The following ENO4 variants were observed in gnomAD, a reference collection of about 807,000 sequenced individuals.
ENO4 encodes the protein 2-phospho-D-glycerate hydro-lyase.
A neutral mutation model predicts 63.2 loss-of-function variants in ENO4; 53 were observed. The observed-to-expected ratio is 0.84, with a 90% CI of 0.67 to 1.05. The LOEUF is 1.05. Among genes scored for constraint, ENO4 ranks in the 50% least tolerant of loss-of-function variants. ENO4 has a pLI of 0.00. For missense variants in ENO4, 719 were observed against 772.0 expected (o/e 0.93, Z 0.81); for synonymous variants, 266 against 283.8 (o/e 0.94, Z 0.63).
intron 9 of ENO4, among the ~76,000 whole-genome samples, chr10:116,872,318 T>C (rs1589761017): frequency 6.6e-6 from 1 of 152,222 alleles, no homozygotes; most frequent in Admixed American, 6.5e-5. Flanking sequence ...CTTACACATG[T>C]ACTTCCTGAT....
intron 2 of ENO4, 54 bp from the exon 3 acceptor site, chr10:116,856,438 T>A: frequency 7.1e-7 from 1 of 1,407,986 alleles, no homozygotes; most frequent in South Asian, 1.3e-5. Context: ...TCATTTAATT[T>A]CCTCTTTCTG....
At position 116,856,584 on chromosome 10, in the gene ENO4, C is replaced by T; in HGVS notation, c.387C>T (p.Ser129=). ...AGGCGGAGGAGGCAGAGAGGGCCAGCGCGGTGAGCACCGCCGTGCAGTGGG... is the reference window on the plus strand; with the variant it reads ...AGGCGGAGGAGGCAGAGAGGGCCAGTGCGGTGAGCACCGCCGTGCAGTGGG... ...LAKAEEAERA[S]AVSTAVQWVN... is the part of the protein sequence containing the mutation. Residue 129 remains serine, a synonymous_variant, in exon 3 of 14, where the codon AGC becomes AGT. Coordinates refer to ENST00000341276, the MANE Select transcript of ENO4 (RefSeq NM_001242699.2). 3.3e-6 allele frequency: 5 copies of T among 1,536,144 alleles called. No individual in the cohort carries two copies. The highest frequency in any genetic ancestry group is 1.7e-4 in the Middle Eastern group (1 of 5,990).
chr10:116,900,712 A>G (rs1399959869), intron 10 of ENO4: 1 of 983,804 alleles, frequency 1.0e-6, no homozygotes, highest in Non-Finnish European at 1.2e-6. Context: ...TGGAGAATGA[A>G]TATAGATCAT....
downstream of ENO4, chr10:116,911,833 G>A (rs772447430): frequency 2.0e-5 from 32 of 1,610,748 alleles, no homozygotes; most frequent in African/African-American, 2.7e-5. Context: ...GCAGCCTTTC[G>A]AAGATTCTGG....
downstream of ENO4, chr10:116,883,375 T>TC (rs1200734373): frequency 2.0e-5 from 3 of 152,198 alleles, no homozygotes; most frequent in African/African-American, 4.8e-5. Context: ...GACTGTGGGA[T>TC]AGGGACATGT....
chr10:116,883,222 C>T (rs987381167), downstream of ENO4: 9 of 152,084 alleles, frequency 5.9e-5, no homozygotes, highest in African/African-American at 1.7e-4. Context: ...ATTTAAATTT[C>T]TTAGGGTGCT....
intron 13 of ENO4, among the ~76,000 whole-genome samples, chr10:116,880,764 T>C (rs1164746865): frequency 6.6e-6 from 1 of 152,226 alleles, no homozygotes; most frequent in Admixed American, 6.5e-5. Context: ...GGCTAGTTTT[T>C]TCAAATAGGT....
At chr10:116,849,884 G>C (rs565029626) in intron 1 of ENO4, 153 bp downstream of exon 1, 24 of 854,602 alleles carry the variant, frequency 2.8e-5, no homozygotes, top group Non-Finnish European at 4.4e-5. Context: ...CTTCTGGAGG[G>C]AAGGAGCGGG....
chr10:116,878,052 C>T (rs1846886119), intron 11 of ENO4, among the ~76,000 whole-genome samples: 1 of 152,222 alleles, frequency 6.6e-6, no homozygotes. Flanking sequence ...CTATCCCTAA[C>T]TGGTTCAGTT....
intron 10 of ENO4, among the ~76,000 whole-genome samples, chr10:116,896,078 A>ATTATTTTAT (rs1362638646): frequency 2.0e-5 from 3 of 152,166 alleles, no homozygotes; most frequent in African/African-American, 7.2e-5. Context: ...TTAGATGGAT[A>ATTATTTTAT]TTATTTTATT....
chr10:116,899,548 A>T (rs1905548), intron 10 of ENO4, among the ~76,000 whole-genome samples: 3,968 of 23,232 alleles, frequency 0.17, 95 homozygotes, highest in Middle Eastern at 0.41. Flanking sequence ...TGTGTGTGTG[A>T]GAGAGTGCAT....
At chr10:116,879,690 T>A (rs1386352884) in intron 12 of ENO4, among the ~76,000 whole-genome samples, 179 bp from the exon 13 acceptor site, 1 of 152,226 alleles carries the variant, frequency 6.6e-6, no homozygotes, top group Non-Finnish European at 1.5e-5. Flanking sequence ...AGCCACATCA[T>A]CTGTTTGCCT....
intron 8 of ENO4, among the ~76,000 whole-genome samples, chr10:116,869,321 A>G (rs756904612): frequency 6.6e-6 from 1 of 152,226 alleles, no homozygotes. Flanking sequence ...AACTTTCAAC[A>G]ATATAAATAG....
chr10:116,869,470 AAG>A (rs1846632507), intron 8 of ENO4, among the ~76,000 whole-genome samples: 2 of 152,212 alleles, frequency 1.3e-5, no homozygotes, highest in Admixed American at 6.5e-5. Context: ...AGACAAAAAA[AAG>A]AGGGGCTAGG....
At chr10:116,859,705 G>C (rs1222601929) in intron 4 of ENO4, among the ~76,000 whole-genome samples, 1 of 152,094 alleles carries the variant, frequency 6.6e-6, no homozygotes, top group Non-Finnish European at 1.5e-5. Context: ...TTGTATGTCT[G>C]CTGAACTAGA....
intron 10 of ENO4, among the ~76,000 whole-genome samples, chr10:116,895,241 G>A (rs758631039): frequency 6.6e-6 from 1 of 151,966 alleles, no homozygotes; most frequent in Non-Finnish European, 1.5e-5. Flanking sequence ...TGACTTCTGG[G>A]AAAAAACTAT....
At chr10:116,858,889 T>C in intron 3 of ENO4, 101 bp from the exon 4 acceptor site, 1 of 594,510 alleles carries the variant, frequency 1.7e-6, no homozygotes, top group Non-Finnish European at 2.7e-6. Flanking sequence ...GAAAAGCAGT[T>C]ATTTATTGAA....
intron 1 of ENO4, among the ~76,000 whole-genome samples, chr10:116,851,309 A>G (rs1315526586): frequency 6.6e-6 from 1 of 152,218 alleles, no homozygotes; most frequent in African/African-American, 2.4e-5. Context: ...TATTAAAGGA[A>G]TTCAGGGATG....
At chr10:116,875,602 TATA>T (rs1430745035) in intron 10 of ENO4, among the ~76,000 whole-genome samples, 1 of 98,764 alleles carries the variant, frequency 1.0e-5, no homozygotes, top group Non-Finnish European at 2.2e-5. Context: ...CATGTATGTG[TATA>T]ATTTTAAAAT....
Sources: gnomAD v4.1 joint callset for allele counts (sites outside exome capture counted in the v4.1 genomes callset) on GRCh38, gnomAD v4.1.1 for gene constraint, MANE v1.5 for transcripts, NCBI Gene and HGNC (gene_info 2026-07-23, HGNC 2026-07-21) for gene names.